The following SMIM23 variants were observed in gnomAD, a reference collection of about 807,000 sequenced individuals.
SMIM23 encodes CTB-78H18.1.
SMIM23 carries 10 observed loss-of-function variants against 12.8 expected under a neutral mutation model. That is an observed-to-expected ratio of 0.78 (90% CI 0.48 to 1.32). SMIM23 has a LOEUF of 1.32. Among genes scored for constraint, SMIM23 ranks in the 40% most tolerant of loss-of-function variants. SMIM23 has a pLI of 0.00. For synonymous variants in SMIM23, 78 were observed against 80.1 expected, an observed-to-expected ratio of 0.97 and a Z score of 0.14; for missense variants, 184 against 198.2, an observed-to-expected ratio of 0.93 and a Z score of 0.43.
the SMIM23 span, chr5:171,773,746 A>T: frequency 4.4e-6 from 2 of 455,836 alleles, no homozygotes; most frequent in Admixed American, 4.7e-5. Context: ...GCTTCAGGCA[A>T]GTGTTGGCAT....
At chr5:171,774,258 C>G in the SMIM23 span, 1 of 379,978 alleles carries the variant, frequency 2.6e-6, no homozygotes. Context: ...CCACCCTGGC[C>G]CATCCCATTC....
intron 1 of SMIM23, among the ~76,000 whole-genome samples, chr5:171,786,697 T>A (rs254885): frequency 6.6e-6 from 1 of 152,192 alleles, no homozygotes; most frequent in African/African-American, 2.4e-5. Context: ...TTACTATACA[T>A]GCACCGAGCG....
chr5:171,782,129 A>G (rs1209287456), upstream of SMIM23, among the ~76,000 whole-genome samples: 3 of 152,160 alleles, frequency 2.0e-5, no homozygotes, highest in Non-Finnish European at 1.5e-5. Flanking sequence ...TCGGTCCACC[A>G]CCTTCAAGAG....
upstream of SMIM23, among the ~76,000 whole-genome samples, chr5:171,781,545 C>G (rs1051214313): frequency 1.3e-4 from 17 of 133,648 alleles, 1 homozygote; most frequent in Middle Eastern, 6.6e-3. Context: ...GTGCCCCCCC[C>G]CGTCTCTAGA....
chr5:171,790,106 A>G (rs577192287), intron 1 of SMIM23, 124 bp from the exon 2 acceptor site: 2 of 938,112 alleles, frequency 2.1e-6, no homozygotes, highest in South Asian at 3.1e-5. Context: ...AACTAGAACA[A>G]AAGTTAAACT....
chr5:171,781,284 G>A (rs1437007165), upstream of SMIM23, among the ~76,000 whole-genome samples: 1 of 152,184 alleles, frequency 6.6e-6, no homozygotes, highest in African/African-American at 2.4e-5. Flanking sequence ...TCATGTTCAA[G>A]ATGGCGGCTC....
At chr5:171,779,830 AGAGG>A (rs1443547385), upstream of SMIM23, among the ~76,000 whole-genome samples, 1 of 151,364 alleles carries the variant, frequency 6.6e-6, no homozygotes, top group Non-Finnish European at 1.5e-5. Flanking sequence ...GAGGAAGGAG[AGAGG>A]GAGGGAGGGA....
chr5:171,786,445 C>T (rs1044527490), intron 1 of SMIM23, among the ~76,000 whole-genome samples: 5 of 152,172 alleles, frequency 3.3e-5, no homozygotes, highest in Admixed American at 6.5e-5. Flanking sequence ...CTATCAACCT[C>T]GTTCACAGAG....
At chr5:171,782,230 G>A (rs1299601152), upstream of SMIM23, among the ~76,000 whole-genome samples, 1 of 152,232 alleles carries the variant, frequency 6.6e-6, no homozygotes, top group African/African-American at 2.4e-5. Context: ...GACACAGAAG[G>A]ACAGGAGGGA....
chr5:171,790,313 C>A (rs1307758071), intron 2 of SMIM23, 32 bp downstream of exon 2: 2 of 1,534,968 alleles, frequency 1.3e-6, no homozygotes, highest in South Asian at 1.2e-5. Flanking sequence ...AAAGAAGGAA[C>A]CAAATCCACA....
chr5:171,791,022 C>G lies in SMIM23; in HGVS notation c.453C>G (p.Ala151=). Residue 151 remains alanine (A), a synonymous_variant, in exon 4 of 4, where the codon GCC becomes GCG. Transcript: ENST00000523047. ...YKSHLWEWAW[A]LGREHKGGEG... ...GTCACTTGTGGGAGTGGGCCTGGGC[C>G]CTGGGGAGAGAGCACAAAGGTGGGG... The G allele has an allele frequency of 1.0e-5, 16 of 1,534,138 alleles. No individual in the cohort carries two copies. The highest frequency in any genetic ancestry group is 1.4e-5 in the Non-Finnish European group (16 of 1,146,432).
At chr5:171,787,354 C>T (rs1234883853) in intron 1 of SMIM23, among the ~76,000 whole-genome samples, 2 of 152,138 alleles carry the variant, frequency 1.3e-5, no homozygotes. Context: ...ATCCATTTTA[C>T]AGATGAAGAA....
intron 1 of SMIM23, among the ~76,000 whole-genome samples, chr5:171,789,326 C>T (rs1418788173): frequency 6.6e-6 from 1 of 152,210 alleles, no homozygotes; most frequent in Non-Finnish European, 1.5e-5. Context: ...AATGGGGACA[C>T]ATATAGTTGC....
intron 1 of SMIM23, 42 bp from the exon 2 acceptor site, chr5:171,790,188 C>A (rs1755895881): frequency 1.3e-6 from 2 of 1,528,332 alleles, no homozygotes; most frequent in East Asian, 4.9e-5. Context: ...GGAGAGAATT[C>A]ATCCTCATGT....
At chr5:171,790,323 A>G in intron 2 of SMIM23, 42 bp downstream of exon 2, 1 of 1,531,508 alleles carries the variant, frequency 6.5e-7, no homozygotes, top group Non-Finnish European at 8.8e-7. Flanking sequence ...CCAAATCCAC[A>G]TGAAGCTTGG....
At chr5:171,775,425 G>C in the SMIM23 span, among the ~76,000 whole-genome samples, 2 of 152,080 alleles carry the variant, frequency 1.3e-5, no homozygotes, top group East Asian at 3.9e-4. Context: ...CGTGTGAAAG[G>C]ATCTTGTTAG....
chr5:171,774,350 A>G, the SMIM23 span: 1 of 453,280 alleles, frequency 2.2e-6, no homozygotes, highest in Admixed American at 2.4e-5. Flanking sequence ...AGATGAGGAA[A>G]CTGAGCCAGC....
At chr5:171,776,550 C>T in the SMIM23 span, among the ~76,000 whole-genome samples, 2 of 152,220 alleles carry the variant, frequency 1.3e-5, no homozygotes, top group African/African-American at 4.8e-5. Context: ...CAAAGGGTCT[C>T]GAATGGCATG....
At chr5:171,775,094 A>C in the SMIM23 span, among the ~76,000 whole-genome samples, 5 of 152,112 alleles carry the variant, frequency 3.3e-5, no homozygotes, top group African/African-American at 7.2e-5. Flanking sequence ...GCTAGTTACC[A>C]ACTCCAGATG....
Sources: gnomAD v4.1 joint callset for allele counts (sites outside exome capture counted in the v4.1 genomes callset) on GRCh38, gnomAD v4.1.1 for gene constraint, MANE v1.5 for transcripts, NCBI Gene and HGNC (gene_info 2026-07-23, HGNC 2026-07-21) for gene names.